The following KCND1 variants were observed in gnomAD, a reference collection of about 807,000 sequenced individuals.
The protein encoded by KCND1 is A-type voltage-gated potassium channel KCND1.
Under a neutral mutation model 31.8 loss-of-function variants are expected in KCND1, and 11 were observed. The ratio of observed to expected loss-of-function variants is 0.35; its 90% confidence interval spans 0.22 to 0.57. The LOEUF (loss-of-function observed/expected upper bound fraction) is 0.57. Among genes scored for constraint, KCND1 ranks in the 20% least tolerant of loss-of-function variants. The probability of loss-of-function intolerance (pLI) is 0.85; values close to 1 mark genes in which losing one functional copy is unlikely to be tolerated. For missense variants in KCND1, 471 were observed against 596.8 expected, an observed-to-expected ratio of 0.79 and a Z score of 2.20; for synonymous variants, 234 against 248.1, an observed-to-expected ratio of 0.94 and a Z score of 0.53.
At chrX:48,967,165 C>T in intron 1 of KCND1, 59 bp from the exon 2 acceptor site, 1 of 984,694 alleles carries the variant, frequency 1.0e-6, no homozygotes, top group Non-Finnish European at 1.4e-6. Flanking sequence ...TTTCAGTCCC[C>T]CACTCCATCC....
At chrX:48,968,916 T>C (rs2064367828) in intron 1 of KCND1, among the ~76,000 whole-genome samples, 2 of 111,588 alleles carry the variant, frequency 1.8e-5, no homozygotes, top group Non-Finnish European at 3.8e-5. Context: ...TAGCTGGGCA[T>C]GGTGGCGTGT....
chrX:48,970,273 G>A lies in KCND1; in HGVS notation c.-2C>T, dbSNP rs782228279. ...CCACGTGGCCAGGCCTGCCGCCATCGTGCCACTCCCCAAGCCCAGGGAGAC... is the reference window on the plus strand; with the variant it reads ...CCACGTGGCCAGGCCTGCCGCCATCATGCCACTCCCCAAGCCCAGGGAGAC... On this transcript the variant is annotated 5_prime_UTR_variant, in exon 1 of 6. It adds an upstream start codon to the 5' untranslated region. Transcript: ENST00000218176. 9.5e-5 allele frequency: 113 copies of A among 1,191,569 alleles called. 1 individual carries two copies. Among genetic ancestry groups the A allele is most frequent in the Non-Finnish European group, 1.2e-4 (103 of 886,872 alleles).
chrX:48,966,826 T>C lies in KCND1; in HGVS notation c.1303A>G (p.Ile435Val), dbSNP rs138829224. 2,492 of 1,203,241 alleles carry C rather than the reference T, an allele frequency of 2.1e-3. 1 individual carries two copies. The highest frequency in any genetic ancestry group is 2.6e-3 in the Non-Finnish European group (2,297 of 892,653). ...GTGGTACCACTCTTTGCCAATCGGA[T>C]CCTTGCCAAGCGCACCTTCTGCAGA... ...RAQQKVRLARIRLAKSGTTNA... is the reference protein window; with the variant it reads ...RAQQKVRLARVRLAKSGTTNA... Residue 435 changes from isoleucine (I) to valine (V), a missense_variant, in exon 3 of 6, where the codon ATC becomes GTC. Physicochemically the swap from Ile to Val is conservative, Grantham distance 29. Around this residue, in one of 3 missense-constraint regions of KCND1, gnomAD observed 74 missense variants for 154.2 expected, o/e 0.48. Coordinates refer to ENST00000218176, the MANE Select transcript of KCND1 (RefSeq NM_004979.6).
rs966834990 is a variant in KCND1, at chrX:48,970,068, G to A, written c.204C>T (p.Ser68=). The A allele has an allele frequency of 4.1e-6, 5 of 1,210,346 alleles. No homozygotes were observed. In the South Asian group the frequency reaches 7.1e-5, roughly 17 times the overall value. ...LDRYPDTLLG[S]SEKEFFYDAD... is the part of the protein sequence containing the mutation. Reference sequence around the variant, plus strand: ...CATCGTAGAAGAATTCCTTCTCCGAGCTGCCCAGCAAGGTGTCTGGGTAGC... The same window carrying A: ...CATCGTAGAAGAATTCCTTCTCCGAACTGCCCAGCAAGGTGTCTGGGTAGC... The change falls in exon 1 of 6, where the codon AGC becomes AGT. Residue 68 remains serine (S), a synonymous_variant. Transcript: ENST00000218176.
At position 48,969,175 on chromosome X, in the gene KCND1, G is replaced by A; in HGVS notation, c.1097C>T (p.Thr366Ile). ...FTSIPAAFWY[T>I]IVTMTTLGYG... ...CCCAAGCGTGGTCATGGTGACAATGGTATACCAGAAGGCCGCAGGGATGCT... is the reference window on the plus strand; with the variant it reads ...CCCAAGCGTGGTCATGGTGACAATGATATACCAGAAGGCCGCAGGGATGCT... Residue 366 changes from threonine (T) to isoleucine (I), a missense_variant, in exon 1 of 6, where the codon ACC becomes ATC. Physicochemically the swap from Thr to Ile is moderately conservative, Grantham distance 89 (BLOSUM62 -1). Transcript: ENST00000218176. 1 of 1,210,921 alleles carries A rather than the reference G, an allele frequency of 8.3e-7. No individual in the cohort carries two copies. The highest frequency in any genetic ancestry group is 3.0e-5 in the East Asian group (1 of 33,844).
In KCND1 at chrX:48,961,471, G is replaced by A. The variant is rs2064319095; in HGVS notation, c.*1110C>T. 1 of 112,780 alleles carries A rather than the reference G, an allele frequency of 8.9e-6. No homozygotes were observed. The highest frequency in any genetic ancestry group is 1.9e-5 in the Non-Finnish European group (1 of 53,385). The allele number at this position is 112,780 out of a possible 1,213,427, so 9.3% of individuals were successfully genotyped here. A position where few individuals can be genotyped will look rare whatever the true frequency, so the allele number is the denominator to read the frequency against. On this transcript the variant is annotated 3_prime_UTR_variant, in exon 6 of 6. Transcript: ENST00000218176. ...GGACAGTGCTGGGGACAGGGAACCT[G>A]AGATGATGCCAGATTTCAGCCTGAG...
chrX:48,964,545 T>TA (rs1324002239), intron 5 of KCND1, among the ~76,000 whole-genome samples: 1 of 105,262 alleles, frequency 9.5e-6, no homozygotes, highest in African/African-American at 3.5e-5. Flanking sequence ...AAAATAAACA[T>TA]AAAAAAATAA....
intron 1 of KCND1, among the ~76,000 whole-genome samples, 176 bp downstream of exon 1, chrX:48,968,975 A>G (rs1053892399): frequency 1.8e-5 from 2 of 111,744 alleles, no homozygotes; most frequent in African/African-American, 6.5e-5. Flanking sequence ...AATCACTTGA[A>G]CCCAGGAAGC....
rs967793938 is a variant in KCND1, at chrX:48,962,235, C to T, written c.*346G>A. ...CCTTCTTAGGCTAGAGCTCAGATGT[C>T]GGATCAAAGCTTTGCCTTCATCTGA... On this transcript the variant is annotated 3_prime_UTR_variant, in exon 6 of 6. Coordinates refer to ENST00000218176, the MANE Select transcript of KCND1 (RefSeq NM_004979.6). 3 of 201,686 alleles carry T rather than the reference C, an allele frequency of 1.5e-5. No homozygotes were observed. Among genetic ancestry groups the T allele is most frequent in the African/African-American group, 2.9e-5 (1 of 34,307 alleles). The allele number at this position is 201,686 out of a possible 1,213,427, so 16.6% of individuals were successfully genotyped here. A position where few individuals can be genotyped will look rare whatever the true frequency, so the allele number is the denominator to read the frequency against.
rs1466477737 is a variant in KCND1 at position 48,961,675 on chromosome X, A to G, written c.*906T>C. The G allele has an allele frequency of 8.9e-6, 1 of 112,099 alleles. No homozygotes were observed. Among genetic ancestry groups the G allele is most frequent in the Non-Finnish European group, 1.9e-5 (1 of 53,161 alleles). The allele number at this position is 112,099 out of a possible 1,213,427, so 9.2% of individuals were successfully genotyped here. A position where few individuals can be genotyped will look rare whatever the true frequency, so the allele number is the denominator to read the frequency against. On this transcript the variant is annotated 3_prime_UTR_variant, in exon 6 of 6. Transcript: ENST00000218176. ...TTGCCCAAGAACATGGAATCAGCCC[A>G]TGATCTCCAAATACAGCCCAGCTCT... is the stretch of plus-strand genomic sequence containing the variant.
chrX:48,963,530 A>G, intron 5 of KCND1, among the ~76,000 whole-genome samples: 1 of 111,065 alleles, frequency 9.0e-6, no homozygotes, highest in Middle Eastern at 4.6e-3. Flanking sequence ...TGTGCTAAGT[A>G]CTTAAGTACT....
At position 48,962,782 on chromosome X, in the gene KCND1, G is replaced by A. The variant is rs370825644; in HGVS notation, c.1743C>T (p.Pro581=). 6.6e-6 allele frequency: 8 copies of A among 1,208,419 alleles called. No homozygotes were observed. The highest frequency in any genetic ancestry group is 8.9e-6 in the Non-Finnish European group (8 of 894,410). ...CGCAGTTCAGGTCAAGGCTGTCATG[G>A]GGCTTGGCATTGAGGCTGGAACGGC... is the stretch of plus-strand genomic sequence containing the variant. ...PQSRSSLNAK[P]HDSLDLNCDS... is the part of the protein sequence containing the mutation. Residue 581 remains proline, a synonymous_variant, in exon 6 of 6, where the codon CCC becomes CCT. Coordinates refer to ENST00000218176, the MANE Select transcript of KCND1 (RefSeq NM_004979.6).
At chrX:48,963,378 C>T (rs1366016073) in intron 5 of KCND1, among the ~76,000 whole-genome samples, 1 of 106,117 alleles carries the variant, frequency 9.4e-6, no homozygotes, top group Non-Finnish European at 1.9e-5. Context: ...ACCCAGGAGG[C>T]GGAGCTTGCA....
chrX:48,966,189 C>T lies in KCND1; in HGVS notation c.1584G>A (p.Leu528=), dbSNP rs1557057964. The T allele has an allele frequency of 8.3e-7, 1 of 1,210,003 alleles. No homozygotes were observed. Among genetic ancestry groups the T allele is most frequent in the Admixed American group, 2.2e-5 (1 of 45,992 alleles). Residue 528 remains leucine (L), a synonymous_variant, in exon 5 of 6, where the codon CTG becomes CTA. Transcript: ENST00000218176. The part of the protein sequence containing the change: ...VSSQPVGPGS[L]LSSCCPRRAK... The stretch of plus-strand genomic sequence containing the variant: ...CCCTGCGAGGGCAGCAAGAAGACAG[C>T]AGGCTTCCGGGTCCCACTGGCTGGG...
rs2064381410 is a variant in KCND1 at position 48,970,366 on chromosome X, G to A, written c.-95C>T. ...TGGTGGGGGCTTGGAGACACCTTGA[G>A]CCACCCAAACAAGGAAACTGGGGGT... is the stretch of plus-strand genomic sequence containing the variant. On this transcript the variant is annotated 5_prime_UTR_variant, in exon 1 of 6. Transcript: ENST00000218176. 7 of 872,456 alleles carry A rather than the reference G, an allele frequency of 8.0e-6. No homozygotes were observed. The highest frequency in any genetic ancestry group is 1.1e-5 in the Non-Finnish European group (7 of 637,978). The allele number at this position is 872,456 out of a possible 1,213,427, so 71.9% of individuals were successfully genotyped here.
chrX:48,963,518 A>C (rs1557057527), intron 5 of KCND1, among the ~76,000 whole-genome samples: 1 of 110,706 alleles, frequency 9.0e-6, no homozygotes, highest in East Asian at 2.8e-4. Flanking sequence ...GGTCCCTGGC[A>C]CTGTGCTAAG....
rs1557057921 is a variant in KCND1 at position 48,966,113 on chromosome X, C to T, written c.1660G>A (p.Gly554Ser). The T allele has an allele frequency of 8.3e-7, 1 of 1,210,932 alleles. No homozygotes were observed. The highest frequency in any genetic ancestry group is 1.1e-6 in the Non-Finnish European group (1 of 895,517). ...LANSTASVSR[G>S]SMQELDMLAG... is the part of the protein sequence containing the mutation. ...AGCATGTCCAGCTCCTGCATGCTGC[C>T]ACGGCTGACTGAGGCAGTGGAGTTG... Residue 554 changes from glycine (G) to serine (S), a missense_variant, in exon 5 of 6, where the codon GGC becomes AGC. Coordinates refer to ENST00000218176, the MANE Select transcript of KCND1 (RefSeq NM_004979.6).
chrX:48,962,373 AG>A lies in KCND1; in HGVS notation c.*207del, dbSNP rs782439089. 1.5e-4 allele frequency: 63 copies of A among 415,899 alleles called. No homozygotes were observed. Among genetic ancestry groups the A allele is most frequent in the Non-Finnish European group, 2.0e-4 (47 of 236,280 alleles). The allele number at this position is 415,899 out of a possible 1,213,427, so 34.3% of individuals were successfully genotyped here. On this transcript the variant is annotated 3_prime_UTR_variant, in exon 6 of 6. Transcript: ENST00000218176. Reference sequence around the variant, plus strand: ...GAAGCCCAGTGCTTCAGCTCCCACCAGGAAAAATGTCTGGGGTGGGAGGAAG... The same window carrying A: ...GAAGCCCAGTGCTTCAGCTCCCACCAGAAAAATGTCTGGGGTGGGAGGAAG...
In KCND1 at chrX:48,970,004, T is replaced by C. The variant is rs1557058682; in HGVS notation, c.268A>G (p.Met90Val). The C allele has an allele frequency of 2.5e-6, 3 of 1,211,427 alleles. No individual in the cohort carries two copies. Among genetic ancestry groups the C allele is most frequent in the Non-Finnish European group, 3.4e-6 (3 of 895,233 alleles). ...TAGAAGTTCAGCACATGGCGGAACA[T>C]GTCAGGGTCGCGATCGAAGAAGTAC... ...GEYFFDRDPD[M>V]FRHVLNFYRT... is the part of the protein sequence containing the mutation. Residue 90 changes from methionine to valine, a missense_variant, in exon 1 of 6, where the codon ATG (methionine) becomes GTG (valine). Transcript: ENST00000218176.
Sources: allele counts gnomAD v4.1 joint callset (sites outside exome capture counted in the v4.1 genomes callset), GRCh38; gene constraint gnomAD v4.1.1; regional missense constraint gnomAD v4.1.1; transcripts MANE v1.5; gene names NCBI Gene and HGNC (gene_info 2026-07-23, HGNC 2026-07-21).